Variants in NKX6-1 observed in about 807,000 individuals in gnomAD.
The protein encoded by NKX6-1 is NK6 homeobox 1, also known as homeobox protein Nkx-6.1.
NKX6-1 carries 11 observed loss-of-function variants against 24.9 expected under a neutral mutation model. The ratio of observed to expected loss-of-function variants is 0.44; its 90% CI spans 0.28 to 0.73. The LOEUF is 0.73. Among genes scored for constraint, NKX6-1 ranks in the 30% least tolerant of loss-of-function variants. NKX6-1 has a pLI of 0.15. For synonymous variants in NKX6-1, 277 were observed against 242.9 expected, an observed-to-expected ratio of 1.14 and a Z score of -1.31; for missense variants, 487 against 502.9, an observed-to-expected ratio of 0.97 and a Z score of 0.30.
chr4:84,497,073 G>A lies in NKX6-1; in HGVS notation c.670+486C>T, dbSNP rs1720834637. 1 of 153,818 alleles carries A rather than the reference G, an allele frequency of 6.5e-6. No homozygotes were observed. Among genetic ancestry groups the A allele is most frequent in the African/African-American group, 2.4e-5 (1 of 41,538 alleles). 9.5% of individuals were successfully genotyped at this position (153,818 alleles called of 1,614,324 possible). On this transcript the variant is annotated intron_variant, in intron 1 of 2. Transcript: ENST00000295886. The surrounding 1 kb of genome is among the most constrained non-coding windows in gnomAD (Gnocchi z 4.8). ...GGCGGTGGAGGGCTCACCGCTGCCG[G>A]GCCTCACTGCTTCGAAGAGAGGCAG...
chr4:84,497,479 T>C lies in NKX6-1; in HGVS notation c.670+80A>G. On this transcript the variant is annotated intron_variant, in intron 1 of 2. Transcript: ENST00000295886. This position sits in a 1 kb window ranked among gnomAD's most constrained non-coding sequence, Gnocchi z 4.8. ...GGGCCACAGGATGGACTGAGCGGCA[T>C]GCACACCAGGGGCCGCGACCCGGGA... 2 of 1,248,246 alleles carry C rather than the reference T, an allele frequency of 1.6e-6. No individual in the cohort carries two copies. The highest frequency in any genetic ancestry group is 2.0e-6 in the Non-Finnish European group (2 of 988,308). 77.3% of individuals were successfully genotyped at this position (1,248,246 alleles called of 1,614,324 possible).
rs1026676077 is a variant in NKX6-1, at chr4:84,493,919, A to G, written c.844-370T>C. 9.8e-5 allele frequency among the ~76,000 whole-genome samples: 15 copies of G among 152,320 alleles called. No homozygotes were observed. Among genetic ancestry groups the G allele is most frequent in the Non-Finnish European group, 1.2e-4 (8 of 68,030 alleles). On this transcript the variant is annotated intron_variant, in intron 2 of 2. Transcript: ENST00000295886. The surrounding 1 kb of genome is among the most constrained non-coding windows in gnomAD (Gnocchi z 5.1). Reference sequence around the variant, plus strand: ...TTGAAGTTGAAAACTTTCCCCCTTCATGAAGTTGCCCCACAGTGGCTGTGA... The same window carrying G: ...TTGAAGTTGAAAACTTTCCCCCTTCGTGAAGTTGCCCCACAGTGGCTGTGA...
In NKX6-1 at chr4:84,493,610, C is replaced by T; in HGVS notation, c.844-61G>A. 1 of 1,588,924 alleles carries T rather than the reference C, an allele frequency of 6.3e-7. No homozygotes were observed. Among genetic ancestry groups the T allele is most frequent in the Non-Finnish European group, 8.6e-7 (1 of 1,164,430 alleles). Reference sequence around the variant, plus strand: ...GGGCGAGGAATTAAACGAGCAGATCCAGGCCATGCTACCACTCCCGCATCT... The same window carrying T: ...GGGCGAGGAATTAAACGAGCAGATCTAGGCCATGCTACCACTCCCGCATCT... On this transcript the variant is annotated intron_variant, in intron 2 of 2. Transcript: ENST00000295886. The surrounding 1 kb of genome is among the most constrained non-coding windows in gnomAD (Gnocchi z 5.1).
At chr4:84,495,492 C>T (rs1720799182) in intron 2 of NKX6-1, among the ~76,000 whole-genome samples, 180 bp downstream of exon 2, 2 of 152,230 alleles carry the variant, frequency 1.3e-5, no homozygotes, top group South Asian at 4.1e-4. Context: ...AAGACCCCAG[C>T]GCCTTTGTAG....
chr4:84,495,599 G>T, intron 2 of NKX6-1, 73 bp downstream of exon 2: 1 of 1,224,036 alleles, frequency 8.2e-7, no homozygotes, highest in Non-Finnish European at 1.2e-6. Context: ...GTGTGTGTGT[G>T]TGTGTGCCCA....
At chr4:84,496,657 C>A (rs549526028) in intron 1 of NKX6-1, 1 of 152,304 alleles carries the variant, frequency 6.6e-6, no homozygotes, top group Non-Finnish European at 1.5e-5. Flanking sequence ...TGGGAGCCTC[C>A]GCGGCGCTGC....
In NKX6-1 at chr4:84,493,502, G is replaced by C. The variant is rs140353706; in HGVS notation, c.891C>G (p.Ala297=). 3 of 1,614,214 alleles carry C rather than the reference G, an allele frequency of 1.9e-6. No homozygotes were observed. In the Admixed American group the frequency reaches 5.0e-5, roughly 27 times the overall value. Reference sequence around the variant, plus strand: ...GCTTCTTCTTGGCCGTGGCCATCTCGGCAGCGTGCTTCTTCCTCCACTTGG... The same window carrying C: ...GCTTCTTCTTGGCCGTGGCCATCTCCGCAGCGTGCTTCTTCCTCCACTTGG... ...RRTKWRKKHA[A]EMATAKKKQD... The change falls in exon 3 of 3, where the codon GCC becomes GCG. Residue 297 remains alanine (A), a synonymous_variant. Transcript: ENST00000295886. The surrounding 1 kb of genome is among the most constrained non-coding windows in gnomAD (Gnocchi z 5.1).
At position 84,493,447 on chromosome 4, in the gene NKX6-1, C is replaced by T. The variant is rs1389021394; in HGVS notation, c.946G>A (p.Ala316Thr). 3.1e-6 allele frequency: 5 copies of T among 1,614,274 alleles called. No homozygotes were observed. The highest frequency in any genetic ancestry group is 4.2e-6 in the Non-Finnish European group (5 of 1,180,044). Residue 316 changes from alanine (A) to threonine (T), a missense_variant, in exon 3 of 3, where the codon GCC becomes ACC. Physicochemically the swap from Ala to Thr is moderately conservative, Grantham distance 58 (BLOSUM62 0). This residue lies in a region of NKX6-1 where 126 missense variants were observed against 105.5 expected (regional missense o/e 1.19). Coordinates refer to ENST00000295886, the MANE Select transcript of NKX6-1 (RefSeq NM_006168.3). The surrounding 1 kb of genome is among the most constrained non-coding windows in gnomAD (Gnocchi z 5.1). ...QDSETERLKG[A>T]SENEEEDDDY... ...TCGTCCTCTTCCTCGTTCTCCGAGG[C>T]CCCCTTGAGGCGCTCTGTCTCCGAG...
In NKX6-1 at chr4:84,493,138, A is replaced by T; in HGVS notation, c.*151T>A. The T allele has an allele frequency of 1.6e-6, 1 of 609,988 alleles. No homozygotes were observed. Among genetic ancestry groups the T allele is most frequent in the Non-Finnish European group, 2.5e-6 (1 of 402,042 alleles). The allele number at this position is 609,988 out of a possible 1,614,324, so 37.8% of individuals were successfully genotyped here. On this transcript the variant is annotated 3_prime_UTR_variant, in exon 3 of 3. Coordinates refer to ENST00000295886, the MANE Select transcript of NKX6-1 (RefSeq NM_006168.3). The surrounding 1 kb of genome is among the most constrained non-coding windows in gnomAD (Gnocchi z 5.1). ...TTCAAGGTTAAAAAAATAGATATGT[A>T]CATCTCAAAAATAGCAAAGGGTCCC...
At chr4:84,495,080 A>G (rs1260515498) in intron 2 of NKX6-1, among the ~76,000 whole-genome samples, 4 of 152,372 alleles carry the variant, frequency 2.6e-5, no homozygotes, top group African/African-American at 9.6e-5. Flanking sequence ...TCAAGCCTAT[A>G]ATTCAGTAAT....
At position 84,493,420 on chromosome 4, in the gene NKX6-1, C is replaced by T; in HGVS notation, c.973G>A (p.Asp325Asn). 1 of 1,614,242 alleles carries T rather than the reference C, an allele frequency of 6.2e-7. No individual in the cohort carries two copies. The highest frequency in any genetic ancestry group is 8.5e-7 in the Non-Finnish European group (1 of 1,180,046). Reference sequence around the variant, plus strand: ...TTGGGATCCAGAGGCTTATTGTAGTCGTCGTCCTCTTCCTCGTTCTCCGAG... The same window carrying T: ...TTGGGATCCAGAGGCTTATTGTAGTTGTCGTCCTCTTCCTCGTTCTCCGAG... ...GASENEEEDD[D>N]YNKPLDPNSD... The change falls in exon 3 of 3, where the codon GAC (aspartate) becomes AAC (asparagine). Residue 325 changes from aspartate to asparagine, a missense_variant. Transcript: ENST00000295886. This position sits in a 1 kb window ranked among gnomAD's most constrained non-coding sequence, Gnocchi z 5.1.
Position 84,495,697 on chromosome 4 carries a change from A to G in NKX6-1, c.818T>C (p.Leu273Ser). 2 of 1,612,542 alleles carry G rather than the reference A, an allele frequency of 1.2e-6. No individual in the cohort carries two copies. The highest frequency in any genetic ancestry group is 1.7e-6 in the Non-Finnish European group (2 of 1,180,020). Reference protein sequence around the residue: ...GPERARLAYSLGMTESQVKVW... With the variant: ...GPERARLAYSSGMTESQVKVW... ...CTTGACCTGACTCTCTGTCATCCCC[A>G]ACGAATAGGCCAAACGAGCCCTCTC... Residue 273 changes from leucine to serine, a missense_variant, in exon 2 of 3, where the codon TTG becomes TCG. Physicochemically the swap from Leu to Ser is moderately radical, Grantham distance 145. Coordinates refer to ENST00000295886, the MANE Select transcript of NKX6-1 (RefSeq NM_006168.3).
Position 84,493,667 on chromosome 4 carries a change from G to C in NKX6-1, c.844-118C>G, listed in dbSNP as rs1720770084. The C allele has an allele frequency of 2.4e-6, 3 of 1,275,706 alleles. No individual in the cohort carries two copies. The highest frequency in any genetic ancestry group is 5.5e-4 in the Middle Eastern group (2 of 3,630). 79.0% of individuals were successfully genotyped at this position (1,275,706 alleles called of 1,614,324 possible). A position where few individuals can be genotyped will look rare whatever the true frequency, so the allele number is the denominator to read the frequency against. On this transcript the variant is annotated intron_variant, in intron 2 of 2. Transcript: ENST00000295886. The surrounding 1 kb of genome is among the most constrained non-coding windows in gnomAD (Gnocchi z 5.1). ...CCCTCCCGCGGCCCCCCGAAGGCCT[G>C]CTGCCCTCCCTCGCAGCCCTCCCTT...
In NKX6-1 at chr4:84,498,338, G is replaced by A; in HGVS notation, c.-110C>T. On this transcript the variant is annotated 5_prime_UTR_variant, in exon 1 of 3. Transcript: ENST00000295886. ...GAGGGCGCGAGCGGAGAGGCACTCGGCGCGCCCGGAGGCGAGCTGCCAACT... is the reference window on the plus strand; with the variant it reads ...GAGGGCGCGAGCGGAGAGGCACTCGACGCGCCCGGAGGCGAGCTGCCAACT... 8.3e-7 allele frequency: 1 copy of A among 1,201,200 alleles called. No homozygotes were observed. Among genetic ancestry groups the A allele is most frequent in the Non-Finnish European group, 1.0e-6 (1 of 955,404 alleles). The allele number at this position is 1,201,200 out of a possible 1,614,324, so 74.4% of individuals were successfully genotyped here.
Position 84,492,500 on chromosome 4 carries a change from G to T in NKX6-1, c.*789C>A. On this transcript the variant is annotated 3_prime_UTR_variant, in exon 3 of 3. Coordinates refer to ENST00000295886, the MANE Select transcript of NKX6-1 (RefSeq NM_006168.3). ...GGGTGGGCAGGGCAGGGCAGGGCGA[G>T]AAGAGATGAAGGGCAAAGGTGAGAT... The T allele has an allele frequency of 6.6e-6, 1 of 152,268 alleles. No homozygotes were observed. 9.4% of individuals were successfully genotyped at this position (152,268 alleles called of 1,614,324 possible). A position where few individuals can be genotyped will look rare whatever the true frequency, so the allele number is the denominator to read the frequency against.
At position 84,497,505 on chromosome 4, in the gene NKX6-1, G is replaced by C; in HGVS notation, c.670+54C>G. On this transcript the variant is annotated intron_variant, in intron 1 of 2. Transcript: ENST00000295886. The surrounding 1 kb of genome is among the most constrained non-coding windows in gnomAD (Gnocchi z 4.8). ...GCACACCAGGGGCCGCGACCCGGGA[G>C]TGGGCAGAACAGGCACGGCAGGCAG... is the stretch of plus-strand genomic sequence containing the variant. The C allele has an allele frequency of 1.6e-6, 2 of 1,250,408 alleles. No individual in the cohort carries two copies. Among genetic ancestry groups the C allele is most frequent in the East Asian group, 6.3e-5 (2 of 31,728 alleles). 77.5% of individuals were successfully genotyped at this position (1,250,408 alleles called of 1,614,324 possible).
chr4:84,493,336 C>CGCCGCCGCT lies in NKX6-1; in HGVS notation c.1048_1056dup (p.Ser350_Gly352dup). ...GACGCGTGCAGTAGGAGGCCGCCGC[C>CGCCGCCGCT]GCCGCCGCTGCTGGACTTGTGCTTC... is the stretch of plus-strand genomic sequence containing the variant. On this transcript the variant is annotated inframe_insertion, in exon 3 of 3. Coordinates refer to ENST00000295886, the MANE Select transcript of NKX6-1 (RefSeq NM_006168.3). The surrounding 1 kb of genome is among the most constrained non-coding windows in gnomAD (Gnocchi z 5.1). 1 of 1,613,408 alleles carries CGCCGCCGCT rather than the reference C, an allele frequency of 6.2e-7. No individual in the cohort carries two copies.
At position 84,493,534 on chromosome 4, in the gene NKX6-1, G is replaced by A; in HGVS notation, c.859C>T (p.Arg287Cys). Residue 287 changes from arginine (R) to cysteine (C), a missense_variant, in exon 3 of 3, where the codon CGC becomes TGC. By Grantham distance (180) the Arg-to-Cys change is radical. Transcript: ENST00000295886. This position sits in a 1 kb window ranked among gnomAD's most constrained non-coding sequence, Gnocchi z 5.1. The stretch of plus-strand genomic sequence containing the variant: ...TGCTTCTTCCTCCACTTGGTCCGGC[G>A]GTTCTGGAACCAGACCTGAGGGCGG... ...ESQVKVWFQN[R>C]RTKWRKKHAA... 6.2e-7 allele frequency: 1 copy of A among 1,614,172 alleles called. No homozygotes were observed. Among genetic ancestry groups the A allele is most frequent in the Non-Finnish European group, 8.5e-7 (1 of 1,180,034 alleles).
rs941274775 is a variant in NKX6-1, at chr4:84,498,321, G to A, written c.-93C>T. On this transcript the variant is annotated 5_prime_UTR_variant, in exon 1 of 3. Coordinates refer to ENST00000295886, the MANE Select transcript of NKX6-1 (RefSeq NM_006168.3). ...GAGGAGCCGGAAGCGCCGAGGGCGC[G>A]AGCGGAGAGGCACTCGGCGCGCCCG... 1.6e-6 allele frequency: 2 copies of A among 1,242,478 alleles called. No individual in the cohort carries two copies. The highest frequency in any genetic ancestry group is 1.5e-5 in the African/African-American group (1 of 64,758). 77.0% of individuals were successfully genotyped at this position (1,242,478 alleles called of 1,614,324 possible). A position where few individuals can be genotyped will look rare whatever the true frequency, so the allele number is the denominator to read the frequency against.
Sources: allele counts gnomAD v4.1 joint callset (sites outside exome capture counted in the v4.1 genomes callset), GRCh38; gene constraint gnomAD v4.1.1; regional missense constraint gnomAD v4.1.1; non-coding constraint Gnocchi (gnomAD v3.1); transcripts MANE v1.5; gene names NCBI Gene and HGNC (gene_info 2026-07-23, HGNC 2026-07-21).